The following PTPN12 variants were observed in gnomAD, a reference collection of about 807,000 sequenced individuals.
PTPN12 encodes the protein tyrosine-protein phosphatase non-receptor type 12.
Under a neutral mutation model 97.6 loss-of-function variants are expected in PTPN12, and 29 were observed. The observed-to-expected ratio is 0.30, with a 90% confidence interval of 0.22 to 0.41. PTPN12 has a LOEUF of 0.41. PTPN12 is among the 10% of genes least tolerant of loss of function. The pLI, the probability that PTPN12 is intolerant of heterozygous loss-of-function variation, is 1.00. For missense variants in PTPN12, 819 were observed against 926.0 expected, an observed-to-expected ratio of 0.88 and a Z score of 1.50; for synonymous variants, 327 against 300.4, an observed-to-expected ratio of 1.09 and a Z score of -0.91.
At chr7:77,558,503 A>G (rs979653891) in intron 1 of PTPN12, among the ~76,000 whole-genome samples, 2 of 152,260 alleles carry the variant, frequency 1.3e-5, no homozygotes, top group African/African-American at 4.8e-5. Flanking sequence ...GAGACTTTGC[A>G]TAACTGGTTA....
intron 1 of PTPN12, among the ~76,000 whole-genome samples, chr7:77,552,430 G>A (rs1021506677): frequency 2.0e-4 from 31 of 152,142 alleles, no homozygotes; most frequent in Non-Finnish European, 3.2e-4. Context: ...AGCATCATAT[G>A]TATGATATTT....
chr7:77,637,074 T>G (rs1341235750), intron 16 of PTPN12, 26 bp downstream of exon 16: 2 of 1,554,472 alleles, frequency 1.3e-6, no homozygotes, highest in Admixed American at 3.4e-5. Flanking sequence ...TTTTTTTTCC[T>G]TTTTACTGTA....
At chr7:77,624,474 CTG>C (rs1449224351) in intron 12 of PTPN12, among the ~76,000 whole-genome samples, 1 of 152,024 alleles carries the variant, frequency 6.6e-6, no homozygotes, top group African/African-American at 2.4e-5. Context: ...GAGTCTTGCT[CTG>C]TCACCTAGGC....
chr7:77,551,378 G>C (rs972935810), intron 1 of PTPN12, among the ~76,000 whole-genome samples: 1 of 152,188 alleles, frequency 6.6e-6, no homozygotes, highest in South Asian at 2.1e-4. Context: ...CTCTGCTCTT[G>C]TCTGTAGCTA....
chr7:77,633,399 G>A (rs998756641), intron 14 of PTPN12, among the ~76,000 whole-genome samples: 21 of 151,972 alleles, frequency 1.4e-4, no homozygotes, highest in Admixed American at 1.4e-3. Flanking sequence ...CACGAGGTCA[G>A]GACATCAAGA....
intron 1 of PTPN12, among the ~76,000 whole-genome samples, chr7:77,562,653 A>T (rs1808053849): frequency 1.3e-5 from 2 of 152,220 alleles, no homozygotes; most frequent in South Asian, 4.1e-4. Flanking sequence ...TTAAATATAT[A>T]CAGGGACATT....
chr7:77,546,297 G>T (rs547525388), intron 1 of PTPN12, among the ~76,000 whole-genome samples: 1 of 152,268 alleles, frequency 6.6e-6, no homozygotes, highest in African/African-American at 2.4e-5. Context: ...TAATCTTAAA[G>T]CACTTTTTCT....
At position 77,607,858 on chromosome 7, in the gene PTPN12, A is replaced by G. The variant is rs182915417; in HGVS notation, c.762+557A>G. Reference sequence around the variant, plus strand: ...AACCTCCACCTCCTGGGTTGAAGCCATTCTCCTGCTTCAGCCTCCCTAGCA... The same window carrying G: ...AACCTCCACCTCCTGGGTTGAAGCCGTTCTCCTGCTTCAGCCTCCCTAGCA... On this transcript the variant is annotated intron_variant, in intron 9 of 17. Coordinates refer to ENST00000248594, the MANE Select transcript of PTPN12 (RefSeq NM_002835.4). Among the ~76,000 whole-genome samples the G allele has an allele frequency of 2.9e-3, 431 of 150,914 alleles. 3 individuals carry two copies. Among genetic ancestry groups the G allele is most frequent in the African/African-American group, 9.8e-3 (403 of 41,070 alleles).
At chr7:77,612,953 G>T (rs752865069) in intron 11 of PTPN12, among the ~76,000 whole-genome samples, 9 of 149,228 alleles carry the variant, frequency 6.0e-5, no homozygotes, top group East Asian at 4.0e-4. Context: ...TGTATTTTTA[G>T]TAGAGATGGG....
In PTPN12 at chr7:77,625,505, C is replaced by CTCTCTCTCTCTT; in HGVS notation, c.1026-1189_1026-1188insTTCTCTCTCTCT. Among the ~76,000 whole-genome samples the CTCTCTCTCTCTT allele has an allele frequency of 1.8e-5, 2 of 110,944 alleles. 1 individual carries two copies. Among genetic ancestry groups the CTCTCTCTCTCTT allele is most frequent in the African/African-American group, 7.2e-5 (2 of 27,818 alleles). The allele number at this position is 110,944 out of a possible 152,430, so 72.8% of individuals were successfully genotyped here. On this transcript the variant is annotated intron_variant, in intron 12 of 17. Transcript: ENST00000248594. ...TCTCTCTCTCTCTCTCTCTCTCTCT[C>CTCTCTCTCTCTT]TCTCTCTCTCTCTCTCTCACTCTCA...
chr7:77,562,934 C>A (rs1487323396), intron 1 of PTPN12, among the ~76,000 whole-genome samples: 4 of 124,038 alleles, frequency 3.2e-5, no homozygotes, highest in Non-Finnish European at 6.6e-5. Context: ...AGAAAAAAAT[C>A]ATTTGCTTAT....
At position 77,627,656 on chromosome 7, in the gene PTPN12, A is replaced by G; in HGVS notation, c.1977A>G (p.Thr659=). ...CTAGACATAATATAGCAGGAACAAC[A>G]CATTCAGGTGCTGAAAAAGGTAATA... ...SIARHNIAGT[T]HSGAEKDVDV... The change falls in exon 13 of 18, where the codon ACA becomes ACG. Residue 659 remains threonine, a synonymous_variant. Transcript: ENST00000248594. 1 of 1,579,658 alleles carries G rather than the reference A, an allele frequency of 6.3e-7. No homozygotes were observed. Among genetic ancestry groups the G allele is most frequent in the South Asian group, 1.1e-5 (1 of 87,506 alleles).
intron 1 of PTPN12, among the ~76,000 whole-genome samples, chr7:77,567,361 A>C (rs922174994): frequency 7.2e-5 from 11 of 152,206 alleles, no homozygotes; most frequent in Non-Finnish European, 1.5e-4. Flanking sequence ...TAAAGGTAAA[A>C]CAATTCAGAG....
Position 77,571,109 on chromosome 7 carries a change from C to T in PTPN12, c.131C>T (p.Thr44Ile), listed in dbSNP as rs1787110889. 6.3e-7 allele frequency: 1 copy of T among 1,595,104 alleles called. No individual in the cohort carries two copies. The highest frequency in any genetic ancestry group is 1.8e-5 in the Admixed American group (1 of 56,966). ...RLRRLSTKYR[T>I]EKIYPTATGE... ...AGAAGATTGTCTACCAAATATAGAA[C>T]AGAAAAGATATATCCCACAGCCACT... The change falls in exon 2 of 18, where the codon ACA becomes ATA. Residue 44 changes from threonine to isoleucine, a missense_variant. By Grantham distance (89) the Thr-to-Ile change is moderately conservative (BLOSUM62 -1). Transcript: ENST00000248594.
At chr7:77,611,123 G>A (rs41280956) in intron 11 of PTPN12, 77 bp downstream of exon 11, 25,250 of 1,158,560 alleles carry the variant, frequency 0.022, 385 homozygotes, top group Middle Eastern at 0.053. Context: ...TTTTTTTGTT[G>A]TCTTGTGTTT....
chr7:77,571,262 C>G, intron 2 of PTPN12, 76 bp downstream of exon 2: 1 of 840,842 alleles, frequency 1.2e-6, no homozygotes, highest in Non-Finnish European at 1.9e-6. Context: ...TTTTATTCTT[C>G]CTGAGTTTCA....
chr7:77,616,843 C>CA (rs1201972120), intron 11 of PTPN12, among the ~76,000 whole-genome samples: 2 of 152,066 alleles, frequency 1.3e-5, no homozygotes, highest in Admixed American at 1.3e-4. Flanking sequence ...AGTGCAGAGA[C>CA]ACGATCTCAG....
At chr7:77,540,129 A>T (rs1485227568) in intron 1 of PTPN12, among the ~76,000 whole-genome samples, 1 of 152,156 alleles carries the variant, frequency 6.6e-6, no homozygotes, top group Non-Finnish European at 1.5e-5. Context: ...CCATCAGGAC[A>T]GGTTGCCCAG....
Position 77,537,452 on chromosome 7 carries a change from G to C in PTPN12, c.-95G>C. 1 of 1,438,070 alleles carries C rather than the reference G, an allele frequency of 7.0e-7. No individual in the cohort carries two copies. The highest frequency in any genetic ancestry group is 9.2e-7 in the Non-Finnish European group (1 of 1,091,978). The allele number at this position is 1,438,070 out of a possible 1,614,324, so 89.1% of individuals were successfully genotyped here. ...TGGCGGGGTCGGGAGGGAGGGACGT[G>C]CTGGGGGAACGAGCTGGGGAAGACG... On this transcript the variant is annotated 5_prime_UTR_variant, in exon 1 of 18. Coordinates refer to ENST00000248594, the MANE Select transcript of PTPN12 (RefSeq NM_002835.4).
Sources: gnomAD v4.1 joint callset for allele counts (sites outside exome capture counted in the v4.1 genomes callset) on GRCh38, gnomAD v4.1.1 for gene constraint, MANE v1.5 for transcripts, NCBI Gene and HGNC (gene_info 2026-07-23, HGNC 2026-07-21) for gene names.